Variants in ZNF385D observed in about 807,000 individuals in gnomAD.
ZNF385D encodes zinc finger protein 659.
A neutral mutation model predicts 35.8 loss-of-function variants in ZNF385D; 15 were observed. That is an observed-to-expected ratio of 0.42 (90% CI 0.28 to 0.64). The LOEUF is 0.64. Among genes scored for constraint, ZNF385D ranks in the 30% least tolerant of loss-of-function variants. The pLI is 0.23. For synonymous variants in ZNF385D, 212 were observed against 186.8 expected (o/e 1.13, Z -1.10); for missense variants, 474 against 494.6 (o/e 0.96, Z 0.39).
chr3:21,801,481 A>G (rs2072397647), intron 3 of ZNF385D, among the ~76,000 whole-genome samples: 1 of 152,186 alleles, frequency 6.6e-6, no homozygotes, highest in South Asian at 2.1e-4. Context: ...TGTTTGATTA[A>G]CAAGTCAATC....
intron 3 of ZNF385D, among the ~76,000 whole-genome samples, chr3:21,894,028 T>C (rs747771821): frequency 6.6e-6 from 1 of 152,162 alleles, no homozygotes; most frequent in Non-Finnish European, 1.5e-5. Flanking sequence ...AAATATCCAA[T>C]GATAGAATAC....
intron 3 of ZNF385D, among the ~76,000 whole-genome samples, chr3:22,108,940 A>T (rs1702367575): frequency 6.6e-6 from 1 of 152,112 alleles, no homozygotes; most frequent in Non-Finnish European, 1.5e-5. Flanking sequence ...TGAACCTGAG[A>T]AGCGGAGGTT....
chr3:21,441,634 A>G, intron 4 of ZNF385D: 1 of 958,500 alleles, frequency 1.0e-6, no homozygotes, highest in Non-Finnish European at 1.2e-6. Flanking sequence ...TAAGTTGCTT[A>G]AAATCATTTA....
intron 3 of ZNF385D, among the ~76,000 whole-genome samples, chr3:21,881,309 C>T (rs187390916): frequency 3.2e-4 from 48 of 151,990 alleles, no homozygotes; most frequent in Non-Finnish European, 5.7e-4. Context: ...ATCCCATTGG[C>T]GACTTTAAGT....
intron 3 of ZNF385D, among the ~76,000 whole-genome samples, chr3:22,015,149 C>T (rs1696808390): frequency 6.6e-6 from 1 of 152,096 alleles, no homozygotes; most frequent in South Asian, 2.1e-4. Flanking sequence ...AGAATTATTT[C>T]CCTGCCAATT....
intron 2 of ZNF385D, among the ~76,000 whole-genome samples, chr3:22,308,300 C>A (rs1019380369): frequency 5.3e-5 from 8 of 152,024 alleles, no homozygotes; most frequent in African/African-American, 1.9e-4. Context: ...ATTTCCTTTT[C>A]TTCATATGAA....
intron 4 of ZNF385D, among the ~76,000 whole-genome samples, chr3:21,461,173 C>T (rs577225570): frequency 2.0e-5 from 3 of 152,160 alleles, no homozygotes; most frequent in Non-Finnish European, 4.4e-5. Context: ...AACTCTCTGC[C>T]TTTCATCTTC....
At chr3:21,945,794 A>C (rs1229111889) in intron 3 of ZNF385D, among the ~76,000 whole-genome samples, 5 of 152,124 alleles carry the variant, frequency 3.3e-5, no homozygotes, top group Non-Finnish European at 7.4e-5. Context: ...AAATTGTTTA[A>C]ATGTGTGCCT....
Position 22,276,187 on chromosome 3 carries a change from T to G in ZNF385D, c.106+96263A>C, listed in dbSNP as rs79001419. Among the ~76,000 whole-genome samples the G allele has an allele frequency of 4.4e-3, 675 of 152,270 alleles. 7 individuals are homozygous for G. Among genetic ancestry groups the G allele is most frequent in the African/African-American group, 0.015 (642 of 41,566 alleles). Reference sequence around the variant, plus strand: ...TATTATGAATTAATTTAAATTTCTTTTAAAGTGTACATTTCTATACTTTTG... The same window carrying G: ...TATTATGAATTAATTTAAATTTCTTGTAAAGTGTACATTTCTATACTTTTG... On this transcript the variant is annotated intron_variant, in intron 2 of 5. Coordinates refer to the ZNF385D transcript ENST00000494108.
chr3:22,167,085 T>C (rs758039979), intron 3 of ZNF385D, among the ~76,000 whole-genome samples: 4 of 152,326 alleles, frequency 2.6e-5, no homozygotes, highest in Admixed American at 2.6e-4. Context: ...GGCAGGCCCC[T>C]GGTGAAACCC....
At chr3:21,581,251 TCTTTC>T (rs1466361121) in intron 2 of ZNF385D, among the ~76,000 whole-genome samples, 6 of 152,170 alleles carry the variant, frequency 3.9e-5, no homozygotes, top group Non-Finnish European at 5.9e-5. Flanking sequence ...TTTCAAAGGC[TCTTTC>T]CTTTCTTCAG....
Position 21,798,294 on chromosome 3 carries a change from C to T in ZNF385D, c.326-133266G>A, listed in dbSNP as rs531160001. Reference sequence around the variant, plus strand: ...CCTCACTCGGCTGAAATCAAGATGTCAGCTAGAACTGCTCTCTCCTGGAGG... The same window carrying T: ...CCTCACTCGGCTGAAATCAAGATGTTAGCTAGAACTGCTCTCTCCTGGAGG... On this transcript the variant is annotated intron_variant, in intron 3 of 5. Transcript: ENST00000494108. 2.6e-5 allele frequency among the ~76,000 whole-genome samples: 4 copies of T among 152,316 alleles called. No individual in the cohort carries two copies. The South Asian group carries it at 8.3e-4, about 32-fold the overall frequency.
intron 2 of ZNF385D, among the ~76,000 whole-genome samples, chr3:22,303,511 T>G (rs1315952073): frequency 6.6e-6 from 1 of 152,136 alleles, no homozygotes; most frequent in Admixed American, 6.5e-5. Flanking sequence ...AGGATTTTAC[T>G]TTTTTATCAG....
intron 3 of ZNF385D, among the ~76,000 whole-genome samples, chr3:22,164,754 G>C (rs74814583): frequency 1.3e-5 from 2 of 151,850 alleles, no homozygotes; most frequent in Non-Finnish European, 2.9e-5. Flanking sequence ...GTATGATATA[G>C]CCATAGGACC....
At chr3:22,030,591 T>A (rs2125479141) in intron 3 of ZNF385D, among the ~76,000 whole-genome samples, 1 of 151,788 alleles carries the variant, frequency 6.6e-6, no homozygotes, top group East Asian at 2.0e-4. Flanking sequence ...AGGAAACCAT[T>A]TCTGTGTTCA....
At chr3:21,432,565 C>T (rs1012223564) in intron 5 of ZNF385D, among the ~76,000 whole-genome samples, 5 of 151,752 alleles carry the variant, frequency 3.3e-5, no homozygotes, top group African/African-American at 1.2e-4. Context: ...CTAAGCAGAG[C>T]ACTACCTACT....
At chr3:21,621,906 C>T (rs974166223) in intron 2 of ZNF385D, among the ~76,000 whole-genome samples, 8 of 149,934 alleles carry the variant, frequency 5.3e-5, no homozygotes, top group Non-Finnish European at 1.2e-4. Context: ...CGTGCACGCA[C>T]GTGTGTGCTT....
At chr3:22,105,800 T>G (rs540247848) in intron 3 of ZNF385D, among the ~76,000 whole-genome samples, 1 of 152,260 alleles carries the variant, frequency 6.6e-6, no homozygotes, top group South Asian at 2.1e-4. Flanking sequence ...GTGCTGTTTT[T>G]GAGAAACACT....
At chr3:22,070,036 T>C (rs749537265) in intron 3 of ZNF385D, among the ~76,000 whole-genome samples, 2 of 152,222 alleles carry the variant, frequency 1.3e-5, no homozygotes, top group Non-Finnish European at 2.9e-5. Flanking sequence ...TCACTAACTG[T>C]CTAAATTCTG....
Sources: allele counts gnomAD v4.1 joint callset (sites outside exome capture counted in the v4.1 genomes callset), GRCh38; gene constraint gnomAD v4.1.1; transcripts MANE v1.5; gene names NCBI Gene and HGNC (gene_info 2026-07-23, HGNC 2026-07-21).